SELENOS: variants seen among roughly 807,000 people sequenced by gnomAD.
The protein encoded by SELENOS is selenoprotein S, also known as VCP interacting membrane selenoprotein.
Under a neutral mutation model 30.2 loss-of-function variants are expected in SELENOS, and 37 were observed. The observed-to-expected ratio is 1.23, with a 90% CI of 0.94 to 1.61. The LOEUF (loss-of-function observed/expected upper bound fraction) is 1.61. SELENOS is among the 40% of genes most tolerant of loss of function. The pLI is 0.00. For synonymous variants in SELENOS, 119 were observed against 91.6 expected (o/e 1.30, Z -1.71); for missense variants, 289 against 231.8 (o/e 1.25, Z -1.60).
rs757579472 is a variant in SELENOS at position 101,274,401 on chromosome 15, T to C, written c.484+19A>G. ...TAAGTGTTGAAAATCTGTTAACATT[T>C]GACATCAGTGGTGCTTACCTCCTCC... On this transcript the variant is annotated intron_variant, in intron 5 of 5. Transcript: ENST00000526049. The C allele has an allele frequency of 1.9e-6, 3 of 1,598,174 alleles. No homozygotes were observed. Among genetic ancestry groups the C allele is most frequent in the South Asian group, 2.3e-5 (2 of 88,208 alleles).
intron 2 of SELENOS, 104 bp downstream of exon 2, chr15:101,276,437 A>T: frequency 1.5e-6 from 2 of 1,342,968 alleles, no homozygotes; most frequent in Non-Finnish European, 9.7e-7. Context: ...TTAAATAGAG[A>T]CAGGGTCTTC....
At position 101,274,412 on chromosome 15, in the gene SELENOS, G is replaced by A. The variant is rs746320877; in HGVS notation, c.484+8C>T. ...AATCTGTTAACATTTGACATCAGTG[G>A]TGCTTACCTCCTCCCCGCAAAGGCT... On this transcript the variant is annotated splice_region_variant and intron_variant, in intron 5 of 5. Coordinates refer to ENST00000526049, the MANE Select transcript of SELENOS (RefSeq NM_018445.6). 3.1e-6 allele frequency: 5 copies of A among 1,603,908 alleles called. No homozygotes were observed. The East Asian group carries it at 8.9e-5, about 29-fold the overall frequency.
At chr15:101,272,932 AATT>A in intron 5 of SELENOS, 76 bp from the exon 6 acceptor site, 1 of 1,347,116 alleles carries the variant, frequency 7.4e-7, no homozygotes, top group South Asian at 1.3e-5. Flanking sequence ...TCCACAATAA[AATT>A]ATGAGAGTGA....
intron 2 of SELENOS, 143 bp downstream of exon 2, chr15:101,276,398 G>C: frequency 1.3e-5 from 15 of 1,160,506 alleles, no homozygotes; most frequent in Non-Finnish European, 1.7e-5. Flanking sequence ...ACAGGTGCGT[G>C]CCGCCACTCC....
chr15:101,272,589 ATGCC>A lies in SELENOS; in HGVS notation c.*178_*181del. 1.7e-6 allele frequency: 1 copy of A among 572,052 alleles called. No homozygotes were observed. The highest frequency in any genetic ancestry group is 3.1e-6 in the Non-Finnish European group (1 of 321,844). 35.4% of individuals were successfully genotyped at this position (572,052 alleles called of 1,614,324 possible). Reference sequence around the variant, plus strand: ...CAAGTAGAATGTGACCAATGACCTCATGCCTAGAGGCAACATCTATACCTTTTGC... The same window carrying A: ...CAAGTAGAATGTGACCAATGACCTCATAGAGGCAACATCTATACCTTTTGC... On this transcript the variant is annotated 3_prime_UTR_variant, in exon 6 of 6. Coordinates refer to ENST00000526049, the MANE Select transcript of SELENOS (RefSeq NM_018445.6).
At chr15:101,271,893 T>C (rs2039271771), downstream of SELENOS, among the ~76,000 whole-genome samples, 1 of 152,194 alleles carries the variant, frequency 6.6e-6, no homozygotes, top group South Asian at 2.1e-4. Flanking sequence ...AAGTCTAAAA[T>C]ATTTACTGTT....
intron 2 of SELENOS, 181 bp downstream of exon 2, chr15:101,276,360 C>T (rs1222886625): frequency 4.2e-6 from 3 of 713,716 alleles, no homozygotes; most frequent in Non-Finnish European, 6.3e-6. Flanking sequence ...GTGATTATCC[C>T]GCCTCAGCCT....
Position 101,277,437 on chromosome 15 carries a change from G to A in SELENOS, c.-20C>T, listed in dbSNP as rs764487480. ...TTCCATGACCGCCGCCGCCGCCGCCGCCCAGCCCTGCCGCCGCGCCTCCAG... is the reference window on the plus strand; with the variant it reads ...TTCCATGACCGCCGCCGCCGCCGCCACCCAGCCCTGCCGCCGCGCCTCCAG... On this transcript the variant is annotated 5_prime_UTR_variant, in exon 1 of 6. Coordinates refer to ENST00000526049, the MANE Select transcript of SELENOS (RefSeq NM_018445.6). The A allele has an allele frequency of 8.3e-6, 12 of 1,440,022 alleles. No homozygotes were observed. The highest frequency in any genetic ancestry group is 6.0e-5 in the African/African-American group (4 of 67,038). 89.2% of individuals were successfully genotyped at this position (1,440,022 alleles called of 1,614,324 possible).
At position 101,277,338 on chromosome 15, in the gene SELENOS, T is replaced by A; in HGVS notation, c.76+4A>T. The A allele has an allele frequency of 6.6e-7, 1 of 1,514,690 alleles. No homozygotes were observed. Among genetic ancestry groups the A allele is most frequent in the Non-Finnish European group, 8.8e-7 (1 of 1,138,802 alleles). The allele number at this position is 1,514,690 out of a possible 1,614,324, so 93.8% of individuals were successfully genotyped here. On this transcript the variant is annotated splice_donor_region_variant and intron_variant, in intron 1 of 5. Transcript: ENST00000526049. ...GCGCGCCCGGCTGCCCCGCAACGACTCACCCGTGGTGTGCAGGAAGCGCAG... is the reference window on the plus strand; with the variant it reads ...GCGCGCCCGGCTGCCCCGCAACGACACACCCGTGGTGTGCAGGAAGCGCAG...
At chr15:101,274,739 C>T (rs2039306115) in intron 3 of SELENOS, 58 bp from the exon 4 acceptor site, 1 of 1,486,870 alleles carries the variant, frequency 6.7e-7, no homozygotes, top group Middle Eastern at 1.7e-4. Context: ...CTCTCAAAGA[C>T]AAAGCTAACT....
chr15:101,275,134 T>G, intron 3 of SELENOS, 121 bp downstream of exon 3: 1 of 779,034 alleles, frequency 1.3e-6, no homozygotes, highest in Non-Finnish European at 2.0e-6. Flanking sequence ...GAAATGCTTA[T>G]TGAATCTAAT....
chr15:101,271,123 C>T (rs910305304), downstream of SELENOS: 2 of 152,198 alleles, frequency 1.3e-5, no homozygotes, highest in Non-Finnish European at 2.9e-5. Flanking sequence ...CATATGAAAC[C>T]CCGACCCAGA....
intron 5 of SELENOS, among the ~76,000 whole-genome samples, chr15:101,273,253 T>C (rs948341687): frequency 1.3e-5 from 2 of 152,100 alleles, no homozygotes; most frequent in Non-Finnish European, 2.9e-5. Flanking sequence ...AGAGTCAAAC[T>C]TGTCACTTCT....
chr15:101,271,441 T>C (rs751684040), downstream of SELENOS: 4 of 152,202 alleles, frequency 2.6e-5, no homozygotes, highest in Admixed American at 1.3e-4. Flanking sequence ...AAACCCCCAA[T>C]TGCCTCCACA....
In SELENOS at chr15:101,272,595, A is replaced by G; in HGVS notation, c.*176T>C. ...GAATGTGACCAATGACCTCATGCCT[A>G]GAGGCAACATCTATACCTTTTGCTG... On this transcript the variant is annotated 3_prime_UTR_variant, in exon 6 of 6. Coordinates refer to ENST00000526049, the MANE Select transcript of SELENOS (RefSeq NM_018445.6). 1.7e-6 allele frequency: 1 copy of G among 588,144 alleles called. No homozygotes were observed. Among genetic ancestry groups the G allele is most frequent in the South Asian group, 2.2e-5 (1 of 45,012 alleles). The allele number at this position is 588,144 out of a possible 1,614,324, so 36.4% of individuals were successfully genotyped here. A position where few individuals can be genotyped will look rare whatever the true frequency, so the allele number is the denominator to read the frequency against.
chr15:101,274,794 T>G lies in SELENOS; in HGVS notation c.319-113A>C, dbSNP rs550905336. The stretch of plus-strand genomic sequence containing the variant: ...ATGTCTTTCAGAACAAACTTCACCC[T>G]CGTTTTCTTTAGTTAATAAAACTGT... On this transcript the variant is annotated intron_variant, in intron 3 of 5. Coordinates refer to ENST00000526049, the MANE Select transcript of SELENOS (RefSeq NM_018445.6). The G allele has an allele frequency of 2.1e-4, 232 of 1,113,870 alleles. 2 individuals carry two copies. Among genetic ancestry groups the G allele is most frequent in the Middle Eastern group, 2.0e-3 (8 of 4,080 alleles). The allele number at this position is 1,113,870 out of a possible 1,614,324, so 69.0% of individuals were successfully genotyped here.
At position 101,274,410 on chromosome 15, in the gene SELENOS, T is replaced by C; in HGVS notation, c.484+10A>G. 6.2e-7 allele frequency: 1 copy of C among 1,603,236 alleles called. No homozygotes were observed. The highest frequency in any genetic ancestry group is 1.1e-5 in the South Asian group (1 of 88,804). ...AAAATCTGTTAACATTTGACATCAG[T>C]GGTGCTTACCTCCTCCCCGCAAAGG... is the stretch of plus-strand genomic sequence containing the variant. On this transcript the variant is annotated intron_variant, in intron 5 of 5. Coordinates refer to ENST00000526049, the MANE Select transcript of SELENOS (RefSeq NM_018445.6).
intron 5 of SELENOS, among the ~76,000 whole-genome samples, chr15:101,273,808 C>T (rs1261691082): frequency 3.9e-5 from 6 of 152,210 alleles, no homozygotes; most frequent in Non-Finnish European, 8.8e-5. Context: ...CTCTGCGGTG[C>T]CCCTCTCCTC....
chr15:101,273,697 G>GTTTCC (rs1446725616), intron 5 of SELENOS, among the ~76,000 whole-genome samples: 1 of 152,288 alleles, frequency 6.6e-6, no homozygotes, highest in East Asian at 1.9e-4. Flanking sequence ...TGACACAAAG[G>GTTTCC]GGATTACAGC....
Sources: gnomAD v4.1 joint callset for allele counts (sites outside exome capture counted in the v4.1 genomes callset) on GRCh38, gnomAD v4.1.1 for gene constraint, MANE v1.5 for transcripts, NCBI Gene and HGNC (gene_info 2026-07-23, HGNC 2026-07-21) for gene names.